The following TENM3 variants were observed in gnomAD, a reference collection of about 807,000 sequenced individuals.
The protein encoded by TENM3 is teneurin-3.
TENM3 carries 63 observed loss-of-function variants against 255.1 expected under a neutral mutation model. The observed-to-expected ratio is 0.25, with a 90% confidence interval of 0.20 to 0.30. The LOEUF (loss-of-function observed/expected upper bound fraction) is 0.30. Ranked by LOEUF, TENM3 falls within the 10% of genes least tolerant of loss-of-function variation. The pLI, the probability that TENM3 is intolerant of heterozygous loss-of-function variation, is 1.00. For missense variants in TENM3, 2,929 were observed against 3,461.1 expected (o/e 0.85, Z 3.86); for synonymous variants, 1,306 against 1,322.3 (o/e 0.99, Z 0.27).
At chr4:181,902,833 C>T in the TENM3 span, among the ~76,000 whole-genome samples, 2 of 152,086 alleles carry the variant, frequency 1.3e-5, no homozygotes, top group African/African-American at 4.8e-5. Flanking sequence ...GACACACATA[C>T]ATTTAGATAT....
At chr4:182,573,861 T>A (rs898563025) in intron 3 of TENM3, among the ~76,000 whole-genome samples, 1 of 152,180 alleles carries the variant, frequency 6.6e-6, no homozygotes, top group African/African-American at 2.4e-5. Context: ...CTGAAATGAC[T>A]GTGCTTAAGC....
chr4:181,752,781 A>C, the TENM3 span, among the ~76,000 whole-genome samples: 1 of 152,112 alleles, frequency 6.6e-6, no homozygotes, highest in Admixed American at 6.6e-5. Context: ...TGTTTCCGAA[A>C]TAGAAAAAAA....
Position 182,346,824 on chromosome 4 carries a change from G to A in TENM3, c.406G>A (p.Gly136Ser), listed in dbSNP as rs867789755. ...CCCAGAGCATGCCATGAGACTTTGG[G>A]GCAGGGGGGTCAAATCAGGCCGCAG... ...MSPEHAMRLW[G>S]RGVKSGRSSC... The change falls in exon 3 of 28, where the codon GGC becomes AGC. Residue 136 changes from glycine (G) to serine (S), a missense_variant. By Grantham distance (56) the Gly-to-Ser change is moderately conservative. This residue lies in a region of TENM3 where 283 missense variants were observed against 256.9 expected (regional missense o/e 1.10). Coordinates refer to ENST00000511685, the MANE Select transcript of TENM3 (RefSeq NM_001080477.4). 2 of 1,613,424 alleles carry A rather than the reference G, an allele frequency of 1.2e-6. No homozygotes were observed. The highest frequency in any genetic ancestry group is 8.5e-7 in the Non-Finnish European group (1 of 1,179,690).
chr4:181,588,223 G>C, the TENM3 span, among the ~76,000 whole-genome samples: 1 of 152,194 alleles, frequency 6.6e-6, no homozygotes, highest in African/African-American at 2.4e-5. Context: ...AACACACCAG[G>C]AAGGCAATCC....
At chr4:182,548,840 C>T (rs62339072) in intron 3 of TENM3, 28,523 of 151,748 alleles carry the variant, frequency 0.19, 3,586 homozygotes, top group African/African-American at 0.34. Context: ...CCTGAAATCC[C>T]TCTCCGTTTT....
At chr4:181,767,986 T>C in the TENM3 span, among the ~76,000 whole-genome samples, 1 of 152,180 alleles carries the variant, frequency 6.6e-6, no homozygotes, top group East Asian at 1.9e-4. Context: ...TATTGACAAG[T>C]AATAATTTTA....
chr4:181,737,466 A>G, the TENM3 span, among the ~76,000 whole-genome samples: 1 of 152,284 alleles, frequency 6.6e-6, no homozygotes, highest in African/African-American at 2.4e-5. Context: ...CAAGGAATGT[A>G]TAATAGAGTG....
chr4:181,642,126 A>G, the TENM3 span, among the ~76,000 whole-genome samples: 1 of 151,942 alleles, frequency 6.6e-6, no homozygotes, highest in African/African-American at 2.4e-5. Flanking sequence ...CATCCTCTCC[A>G]GCACCTCTTG....
chr4:182,416,602 A>G (rs1770376709), intron 3 of TENM3, among the ~76,000 whole-genome samples: 1 of 152,038 alleles, frequency 6.6e-6, no homozygotes, highest in Admixed American at 6.5e-5. Context: ...ACTGAGGTTA[A>G]TAACTCGTGA....
intron 3 of TENM3, among the ~76,000 whole-genome samples, chr4:182,456,085 C>T (rs1448862994): frequency 1.3e-5 from 2 of 152,142 alleles, no homozygotes; most frequent in East Asian, 1.9e-4. Flanking sequence ...GTCTCGAATG[C>T]TTATTGGATG....
chr4:182,742,079 G>A (rs944447896), intron 18 of TENM3, among the ~76,000 whole-genome samples: 3 of 152,214 alleles, frequency 2.0e-5, no homozygotes, highest in African/African-American at 7.2e-5. Flanking sequence ...AGTCAAAGCA[G>A]CAGGTGGTGT....
chr4:181,520,718 T>G, the TENM3 span, among the ~76,000 whole-genome samples: 1 of 152,160 alleles, frequency 6.6e-6, no homozygotes, highest in Non-Finnish European at 1.5e-5. Context: ...TGGAGCTTTC[T>G]CTTTCAGTAT....
At chr4:182,690,400 A>G (rs6845497) in intron 12 of TENM3, among the ~76,000 whole-genome samples, 31,599 of 152,120 alleles carry the variant, frequency 0.21, 3,392 homozygotes, top group Middle Eastern at 0.26. Context: ...ACAAGGGACA[A>G]TGCAATACCT....
chr4:181,626,587 G>T, the TENM3 span, among the ~76,000 whole-genome samples: 5 of 151,892 alleles, frequency 3.3e-5, no homozygotes, highest in Non-Finnish European at 7.4e-5. Context: ...GAGATGCCAC[G>T]CTCTTTTAAA....
chr4:181,773,333 T>C, the TENM3 span, among the ~76,000 whole-genome samples: 1 of 152,190 alleles, frequency 6.6e-6, no homozygotes, highest in Admixed American at 6.5e-5. Flanking sequence ...AGTTGTTGCT[T>C]TGTGGAATAT....
At chr4:182,569,571 A>AAAAG (rs755985681) in intron 3 of TENM3, among the ~76,000 whole-genome samples, 1 of 152,176 alleles carries the variant, frequency 6.6e-6, no homozygotes, top group Non-Finnish European at 1.5e-5. Context: ...GAAAAAAAAA[A>AAAAG]AAAGAAAGAA....
At chr4:182,309,231 C>T (rs551522859) in intron 1 of TENM3, among the ~76,000 whole-genome samples, 96 of 152,302 alleles carry the variant, frequency 6.3e-4, no homozygotes, top group African/African-American at 2.1e-3. Context: ...CACCTGCATT[C>T]GCATCGCTGA....
chr4:181,488,098 C>G, the TENM3 span, among the ~76,000 whole-genome samples: 1 of 152,206 alleles, frequency 6.6e-6, no homozygotes, highest in African/African-American at 2.4e-5. Context: ...TGCAGTCAGG[C>G]AGCCAGTTGG....
chr4:181,887,174 T>C, the TENM3 span, among the ~76,000 whole-genome samples: 12 of 152,100 alleles, frequency 7.9e-5, no homozygotes, highest in Non-Finnish European at 1.3e-4. Context: ...AAATGTCCTT[T>C]CTGAGCCCCA....
Sources: gnomAD v4.1 joint callset for allele counts (sites outside exome capture counted in the v4.1 genomes callset) on GRCh38, gnomAD v4.1.1 for gene constraint, gnomAD v4.1.1 regional missense constraint, MANE v1.5 for transcripts, NCBI Gene and HGNC (gene_info 2026-07-23, HGNC 2026-07-21) for gene names.